Variants in RAD54L2 observed in about 807,000 individuals in gnomAD.
RAD54L2 encodes helicase ARIP4.
In RAD54L2, 27 loss-of-function variants were observed where a neutral mutation model predicts 138.4. The observed-to-expected ratio is 0.20, with a 90% CI of 0.14 to 0.27. The LOEUF (loss-of-function observed/expected upper bound fraction) is 0.27, where lower values mean the gene tolerates loss of function less well. Ranked by LOEUF, RAD54L2 falls within the 10% of genes least tolerant of loss-of-function variation. RAD54L2 has a pLI of 1.00. For synonymous variants in RAD54L2, 644 were observed against 723.2 expected, an observed-to-expected ratio of 0.89 and a Z score of 1.76; for missense variants, 1,396 against 1,890.2, an observed-to-expected ratio of 0.74 and a Z score of 4.85.
At position 51,660,086 on chromosome 3, in the gene RAD54L2, A is replaced by T; in HGVS notation, c.3377A>T (p.Lys1126Met). Reference protein sequence around the residue: ...IFAVRATGKPKVPEDGRMAAS... With the variant: ...IFAVRATGKPMVPEDGRMAAS... Reference sequence around the variant, plus strand: ...GCTGTCCGGGCAACTGGCAAACCAAAGGTTCCTGAAGATGGTCGGATGGCT... The same window carrying T: ...GCTGTCCGGGCAACTGGCAAACCAATGGTTCCTGAAGATGGTCGGATGGCT... The change falls in exon 22 of 23, where the codon AAG becomes ATG. Residue 1126 changes from lysine (K) to methionine (M), a missense_variant. Physicochemically the swap from Lys to Met is moderately conservative, Grantham distance 95 (BLOSUM62 -1). This residue lies in a region of RAD54L2 where 634 missense variants were observed against 711.2 expected (regional missense o/e 0.89). Transcript: ENST00000684192. The T allele has an allele frequency of 6.2e-7, 1 of 1,600,486 alleles. No individual in the cohort carries two copies. The highest frequency in any genetic ancestry group is 1.7e-5 in the Admixed American group (1 of 59,820).
In RAD54L2 at chr3:51,638,091, TG is replaced by T; in HGVS notation, c.1683-52del. ...AAAAGGCTCTGTTTTTATCTTGTGC[TG>T]ACCCCTCCTGGCCACACTACCTTGC... On this transcript the variant is annotated intron_variant, in intron 11 of 22. Transcript: ENST00000684192. The surrounding 1 kb of genome is among the most constrained non-coding windows in gnomAD (Gnocchi z 4.3). 1.9e-6 allele frequency: 3 copies of T among 1,563,438 alleles called. No individual in the cohort carries two copies. Among genetic ancestry groups the T allele is most frequent in the Non-Finnish European group, 2.6e-6 (3 of 1,139,922 alleles).
At chr3:51,648,074 A>T (rs57566491) in intron 19 of RAD54L2, among the ~76,000 whole-genome samples, 6,533 of 152,248 alleles carry the variant, frequency 0.043, 173 homozygotes, top group Non-Finnish European at 0.067. Context: ...GTACCTGGAA[A>T]ATCGGGACAC....
intron 16 of RAD54L2, among the ~76,000 whole-genome samples, chr3:51,644,392 C>T (rs569823162): frequency 7.0e-4 from 106 of 152,288 alleles, no homozygotes; most frequent in African/African-American, 2.5e-3. Context: ...CTGCAGTGAG[C>T]TGTGATTGAG....
chr3:51,634,592 A>G (rs1330522019), intron 9 of RAD54L2, among the ~76,000 whole-genome samples: 1 of 151,828 alleles, frequency 6.6e-6, no homozygotes, highest in Non-Finnish European at 1.5e-5. Context: ...CTGGTCTCGA[A>G]CTCCTGACCT....
chr3:51,553,199 TC>T (rs1188662638), intron 2 of RAD54L2, among the ~76,000 whole-genome samples: 1 of 152,114 alleles, frequency 6.6e-6, no homozygotes, highest in Non-Finnish European at 1.5e-5. Context: ...TGCCTCAGCC[TC>T]CCAAGTAGCT....
chr3:51,614,835 A>G (rs1700409445), intron 3 of RAD54L2, among the ~76,000 whole-genome samples: 1 of 151,668 alleles, frequency 6.6e-6, no homozygotes, highest in Admixed American at 6.6e-5. Flanking sequence ...TTTTAAAGAT[A>G]TATTTAAATT....
chr3:51,661,849 G>C (rs4234644), intron 22 of RAD54L2, among the ~76,000 whole-genome samples: 114,794 of 152,058 alleles, frequency 0.75, 44,305 homozygotes, highest in South Asian at 0.84. Flanking sequence ...TTTTCATCAT[G>C]TCATTTTATC....
At position 51,666,841 on chromosome 3, in the gene RAD54L2, T is replaced by A. The variant is rs183152003; in HGVS notation, c.*3421T>A. The stretch of plus-strand genomic sequence containing the variant: ...GTGTGGAGTCTCTATATGCTTGTGA[T>A]CCTTGGAGCTCTCTTCCCTAGGAAT... On this transcript the variant is annotated 3_prime_UTR_variant, in exon 23 of 23. Coordinates refer to ENST00000684192, the MANE Select transcript of RAD54L2 (RefSeq NM_015106.4). The A allele has an allele frequency of 6.6e-6, 1 of 152,356 alleles. No homozygotes were observed. The highest frequency in any genetic ancestry group is 1.9e-4 in the East Asian group (1 of 5,186). The allele number at this position is 152,356 out of a possible 1,614,324, so 9.4% of individuals were successfully genotyped here.
intron 3 of RAD54L2, among the ~76,000 whole-genome samples, chr3:51,610,727 A>C (rs1281860081): frequency 6.6e-6 from 1 of 151,946 alleles, no homozygotes; most frequent in Non-Finnish European, 1.5e-5. Flanking sequence ...TTGCTCCTCC[A>C]ACTCTCAGCT....
chr3:51,637,275 G>A lies in RAD54L2; in HGVS notation c.1454G>A (p.Arg485His), dbSNP rs367883833. 3.1e-6 allele frequency: 5 copies of A among 1,609,204 alleles called. No homozygotes were observed. The highest frequency in any genetic ancestry group is 4.2e-6 in the Non-Finnish European group (5 of 1,177,906). Residue 485 changes from arginine to histidine, a missense_variant, in exon 11 of 23, where the codon CGC becomes CAC. Physicochemically the swap from Arg to His is conservative, Grantham distance 29. This residue lies in a region of RAD54L2 where 169 missense variants were observed against 235.6 expected (regional missense o/e 0.72). Coordinates refer to ENST00000684192, the MANE Select transcript of RAD54L2 (RefSeq NM_015106.4). This position sits in a 1 kb window ranked among gnomAD's most constrained non-coding sequence, Gnocchi z 5.9. ...TSQALKNIRS[R>H]RRVVLTGYPL... ...CAGGCTCTGAAGAATATCCGCTCTC[G>A]CCGCCGGGTGGTGCTGACTGGGTAC... is the stretch of plus-strand genomic sequence containing the variant.
At chr3:51,555,943 C>T (rs1698953065) in intron 2 of RAD54L2, among the ~76,000 whole-genome samples, 1 of 152,196 alleles carries the variant, frequency 6.6e-6, no homozygotes, top group Non-Finnish European at 1.5e-5. Context: ...ATTCTAGTTT[C>T]AGAGTGTTAC....
chr3:51,609,652 C>CT (rs1700284414), intron 3 of RAD54L2, among the ~76,000 whole-genome samples: 1 of 151,640 alleles, frequency 6.6e-6, no homozygotes, highest in Non-Finnish European at 1.5e-5. Context: ...AAACCCCAGT[C>CT]TTTGTTCAGT....
chr3:51,622,924 T>C (rs1167052594), intron 3 of RAD54L2, among the ~76,000 whole-genome samples: 2 of 152,264 alleles, frequency 1.3e-5, no homozygotes, highest in African/African-American at 2.4e-5. Context: ...CAGGTCTCGC[T>C]CTTCCCAAGG....
At chr3:51,563,154 G>A (rs1311408053) in intron 2 of RAD54L2, among the ~76,000 whole-genome samples, 1 of 152,060 alleles carries the variant, frequency 6.6e-6, no homozygotes, top group Non-Finnish European at 1.5e-5. Flanking sequence ...AATTTTTGGA[G>A]ATGTGACTCT....
At chr3:51,658,408 T>C (rs1374895356) in intron 21 of RAD54L2, among the ~76,000 whole-genome samples, 12 of 152,218 alleles carry the variant, frequency 7.9e-5, no homozygotes, top group Admixed American at 7.8e-4. Context: ...ACACATGGGT[T>C]GCATGATAGA....
chr3:51,546,904 C>T (rs1698711645), intron 2 of RAD54L2, among the ~76,000 whole-genome samples: 1 of 152,024 alleles, frequency 6.6e-6, no homozygotes, highest in African/African-American at 2.4e-5. Context: ...TGGTGCACGC[C>T]TGTAGTCCCA....
chr3:51,656,202 C>T, intron 20 of RAD54L2, 32 bp downstream of exon 20: 6 of 1,519,076 alleles, frequency 3.9e-6, no homozygotes, highest in Non-Finnish European at 5.4e-6. Flanking sequence ...GGCAGAGCTG[C>T]TGTCCCTTTT....
At chr3:51,597,743 G>A (rs1002606397) in intron 3 of RAD54L2, among the ~76,000 whole-genome samples, 122 of 152,160 alleles carry the variant, frequency 8.0e-4, no homozygotes, top group Non-Finnish European at 4.9e-4. Flanking sequence ...AACGAGGATC[G>A]CTTGAACTCG....
chr3:51,611,032 G>A (rs1451249783), intron 3 of RAD54L2, among the ~76,000 whole-genome samples: 1 of 152,046 alleles, frequency 6.6e-6, no homozygotes, highest in African/African-American at 2.4e-5. Flanking sequence ...CATACTTTGG[G>A]AAGTAAGCAA....
Sources: gnomAD v4.1 joint callset for allele counts (sites outside exome capture counted in the v4.1 genomes callset) on GRCh38, gnomAD v4.1.1 for gene constraint, gnomAD v4.1.1 regional missense constraint, Gnocchi (gnomAD v3.1) non-coding constraint, MANE v1.5 for transcripts, NCBI Gene and HGNC (gene_info 2026-07-23, HGNC 2026-07-21) for gene names.